CDS1: variants seen among roughly 807,000 people sequenced by gnomAD.
The protein encoded by CDS1 is CDP-diacylglycerol synthase 1, also known as phosphatidate cytidylyltransferase 1.
Under a neutral mutation model 62.1 loss-of-function variants are expected in CDS1, and 41 were observed. The observed-to-expected ratio is 0.66, with a 90% confidence interval of 0.51 to 0.86. The LOEUF is 0.86. CDS1 is among the 40% of genes least tolerant of loss of function. The probability of loss-of-function intolerance (pLI) is 0.00; values close to 1 mark genes in which losing one functional copy is unlikely to be tolerated. For missense variants in CDS1, 470 were observed against 550.1 expected, an observed-to-expected ratio of 0.85 and a Z score of 1.46; for synonymous variants, 185 against 192.6, an observed-to-expected ratio of 0.96 and a Z score of 0.32.
At chr4:84,590,689 C>G (rs1317615185) in intron 1 of CDS1, among the ~76,000 whole-genome samples, 1 of 152,150 alleles carries the variant, frequency 6.6e-6, no homozygotes, top group Non-Finnish European at 1.5e-5. Context: ...GACATACTTC[C>G]AAGTTGCCTG....
At chr4:84,624,291 C>CAAAAA (rs36093550) in intron 5 of CDS1, among the ~76,000 whole-genome samples, 8 of 119,598 alleles carry the variant, frequency 6.7e-5, no homozygotes, top group South Asian at 2.8e-4. Flanking sequence ...AAAAAACAAA[C>CAAAAA]AAAAAAAAAA....
chr4:84,609,285 T>C, intron 2 of CDS1, 144 bp from the exon 3 acceptor site: 1 of 531,464 alleles, frequency 1.9e-6, no homozygotes, highest in Non-Finnish European at 3.3e-6. Flanking sequence ...TGCTGTTTGT[T>C]TTTTGTTTTT....
intron 8 of CDS1, among the ~76,000 whole-genome samples, chr4:84,637,208 T>C (rs1219042241): frequency 1.3e-5 from 2 of 152,156 alleles, no homozygotes; most frequent in African/African-American, 2.4e-5. Flanking sequence ...CTAAAGCTGC[T>C]CCAGAGTTTC....
At chr4:84,594,226 G>A (rs1722680414) in intron 1 of CDS1, among the ~76,000 whole-genome samples, 1 of 152,056 alleles carries the variant, frequency 6.6e-6, no homozygotes, top group Non-Finnish European at 1.5e-5. Flanking sequence ...AGGAAAGAAG[G>A]GTCAGATTTT....
chr4:84,603,674 C>T (rs1195051081), intron 1 of CDS1, among the ~76,000 whole-genome samples: 2 of 152,160 alleles, frequency 1.3e-5, no homozygotes, highest in African/African-American at 4.8e-5. Flanking sequence ...TTTTAAATAA[C>T]TTCTTTAAAA....
At chr4:84,583,788 T>G (rs185801740) in intron 1 of CDS1, among the ~76,000 whole-genome samples, 111 of 152,218 alleles carry the variant, frequency 7.3e-4, no homozygotes, top group African/African-American at 2.6e-3. Context: ...TTCATCCTCT[T>G]CCGGTCCCTT....
chr4:84,619,400 T>G lies in CDS1; in HGVS notation c.447T>G (p.Phe149Leu). 2.6e-6 allele frequency: 4 copies of G among 1,510,584 alleles called. No homozygotes were observed. Among genetic ancestry groups the G allele is most frequent in the Non-Finnish European group, 3.6e-6 (4 of 1,109,542 alleles). The allele number at this position is 1,510,584 out of a possible 1,614,324, so 93.6% of individuals were successfully genotyped here. ...LPWFRTLSWY[F>L]LLCVNYFFYG... is the part of the protein sequence containing the mutation. ...AATTGTTTTTAAATTATAGGTACTT[T>G]CTATTGTGTGTAAACTACTTTTTCT... The change falls in exon 5 of 13, where the codon TTT (phenylalanine) becomes TTG (leucine). Residue 149 changes from phenylalanine (F) to leucine (L), a missense_variant. By Grantham distance (22) the Phe-to-Leu change is conservative. This residue lies in a region of CDS1 where 34 missense variants were observed against 64.8 expected (regional missense o/e 0.52). Transcript: ENST00000295887.
chr4:84,602,757 A>G (rs1722975329), intron 1 of CDS1, among the ~76,000 whole-genome samples: 1 of 151,942 alleles, frequency 6.6e-6, no homozygotes, highest in Admixed American at 6.6e-5. Context: ...GGCTTACCAG[A>G]CTGACGGCAG....
chr4:84,608,118 T>C (rs184563432), intron 2 of CDS1, among the ~76,000 whole-genome samples: 252 of 152,350 alleles, frequency 1.7e-3, no homozygotes, highest in African/African-American at 5.8e-3. Flanking sequence ...AAGGACCAGC[T>C]GGTGTACCAG....
At chr4:84,621,420 G>C (rs1723682799) in intron 5 of CDS1, among the ~76,000 whole-genome samples, 1 of 152,064 alleles carries the variant, frequency 6.6e-6, no homozygotes. Context: ...GTGCCCCTCA[G>C]CTCCTTCAGT....
intron 1 of CDS1, among the ~76,000 whole-genome samples, chr4:84,600,179 C>T (rs1463151599): frequency 6.6e-6 from 1 of 152,078 alleles, no homozygotes; most frequent in Non-Finnish European, 1.5e-5. Context: ...CTGTGCATTG[C>T]CCCTGAAATG....
chr4:84,601,687 C>T (rs1487895799), intron 1 of CDS1, among the ~76,000 whole-genome samples: 13 of 152,106 alleles, frequency 8.5e-5, no homozygotes, highest in African/African-American at 2.9e-4. Context: ...TCAGGGCGGG[C>T]GGATCACCTG....
intron 3 of CDS1, among the ~76,000 whole-genome samples, chr4:84,615,805 T>G (rs1723476152): frequency 6.6e-6 from 1 of 152,196 alleles, no homozygotes; most frequent in African/African-American, 2.4e-5. Context: ...GTCCTATGAG[T>G]GTACATTGCT....
chr4:84,601,497 G>T (rs1338122744), intron 1 of CDS1, among the ~76,000 whole-genome samples: 1 of 152,118 alleles, frequency 6.6e-6, no homozygotes, highest in Non-Finnish European at 1.5e-5. Flanking sequence ...CCGTGTATGG[G>T]GTCCATGAGA....
chr4:84,583,594 G>A lies in CDS1; in HGVS notation c.117+76G>A, dbSNP rs1722322827. On this transcript the variant is annotated intron_variant, in intron 1 of 12. Coordinates refer to ENST00000295887, the MANE Select transcript of CDS1 (RefSeq NM_001263.4). ...GGAAGCGGGACACTTGAGAGCAAGGGTGGGGCCCGTCCAGCGTCAGGTGAG... is the reference window on the plus strand; with the variant it reads ...GGAAGCGGGACACTTGAGAGCAAGGATGGGGCCCGTCCAGCGTCAGGTGAG... 4 of 827,572 alleles carry A rather than the reference G, an allele frequency of 4.8e-6. No homozygotes were observed. The African/African-American group carries it at 5.5e-5, about 11-fold the overall frequency. 51.3% of individuals were successfully genotyped at this position (827,572 alleles called of 1,614,324 possible).
chr4:84,636,075 G>A (rs1444733156), intron 8 of CDS1, among the ~76,000 whole-genome samples: 1 of 151,748 alleles, frequency 6.6e-6, no homozygotes, highest in East Asian at 1.9e-4. Flanking sequence ...TTTTTCTCTC[G>A]GCCATTGGTG....
chr4:84,583,312 G>A lies in CDS1; in HGVS notation c.-90G>A. 1 of 927,596 alleles carries A rather than the reference G, an allele frequency of 1.1e-6. No individual in the cohort carries two copies. The allele number at this position is 927,596 out of a possible 1,614,324, so 57.5% of individuals were successfully genotyped here. ...GCGGGACTCCAGGGCGCGGCTGCGA[G>A]GTGGCGGGGCGCCCCGCCTGCAGAA... On this transcript the variant is annotated 5_prime_UTR_variant, in exon 1 of 13. Coordinates refer to ENST00000295887, the MANE Select transcript of CDS1 (RefSeq NM_001263.4).
At position 84,649,305 on chromosome 4, in the gene CDS1, T is replaced by C. The variant is rs1273253694; in HGVS notation, c.*619T>C. On this transcript the variant is annotated 3_prime_UTR_variant, in exon 13 of 13. Coordinates refer to ENST00000295887, the MANE Select transcript of CDS1 (RefSeq NM_001263.4). ...AGGGAGCCTGAAATTTTTGCCATGA[T>C]TGGTTTGTTAGAAAGAGCAGGCATC... The C allele has an allele frequency of 3.3e-5, 5 of 152,142 alleles. No individual in the cohort carries two copies. The highest frequency in any genetic ancestry group is 1.3e-4 in the Admixed American group (2 of 15,284). 9.4% of individuals were successfully genotyped at this position (152,142 alleles called of 1,614,324 possible). A position where few individuals can be genotyped will look rare whatever the true frequency, so the allele number is the denominator to read the frequency against.
chr4:84,583,410 G>A lies in CDS1; in HGVS notation c.9G>A (p.Glu3=), dbSNP rs753457095. ...CAGCGCGGGAGCGGAAGATGTTGGA[G>A]CTGAGGCACCGGGGAAGCTGCCCCG... The part of the protein sequence containing the change: ML[E]LRHRGSCPGP... Residue 3 remains glutamate, a synonymous_variant, in exon 1 of 13, where the codon GAG becomes GAA. Transcript: ENST00000295887. The A allele has an allele frequency of 2.3e-5, 37 of 1,601,574 alleles. No individual in the cohort carries two copies. The South Asian group carries it at 4.1e-4, about 18-fold the overall frequency.
Sources: allele counts gnomAD v4.1 joint callset (sites outside exome capture counted in the v4.1 genomes callset), GRCh38; gene constraint gnomAD v4.1.1; regional missense constraint gnomAD v4.1.1; transcripts MANE v1.5; gene names NCBI Gene and HGNC (gene_info 2026-07-23, HGNC 2026-07-21).